POLK: variants seen among roughly 807,000 people sequenced by gnomAD.
The protein encoded by POLK is DNA polymerase kappa.
POLK carries 76 observed loss-of-function variants against 94.0 expected under a neutral mutation model. The ratio of observed to expected loss-of-function variants is 0.81; its 90% CI spans 0.67 to 0.98. The LOEUF (loss-of-function observed/expected upper bound fraction) is 0.98, where lower values mean the gene tolerates loss of function less well. Among genes scored for constraint, POLK ranks in the 50% least tolerant of loss-of-function variants. POLK has a pLI of 0.00. For synonymous variants in POLK, 349 were observed against 325.4 expected (o/e 1.07, Z -0.78); for missense variants, 954 against 1,010.1 (o/e 0.94, Z 0.75).
chr5:75,550,002 A>G (rs1770255012), intron 2 of POLK, among the ~76,000 whole-genome samples: 1 of 152,200 alleles, frequency 6.6e-6, no homozygotes, highest in African/African-American at 2.4e-5. Flanking sequence ...CTCCCCATCA[A>G]AGAAAAAAGA....
intron 3 of POLK, among the ~76,000 whole-genome samples, chr5:75,554,944 T>G (rs1421791198): frequency 6.6e-6 from 1 of 152,200 alleles, no homozygotes; most frequent in Non-Finnish European, 1.5e-5. Context: ...TTTGCTGTTG[T>G]GAATAGTGCT....
intron 3 of POLK, among the ~76,000 whole-genome samples, chr5:75,567,499 T>G (rs1771341873): frequency 6.6e-6 from 1 of 152,244 alleles, no homozygotes; most frequent in Admixed American, 6.5e-5. Flanking sequence ...AAGTTAGCCT[T>G]CTTCAAGATT....
At chr5:75,604,955 C>G (rs1028011997), downstream of POLK, among the ~76,000 whole-genome samples, 3 of 152,110 alleles carry the variant, frequency 2.0e-5, no homozygotes, top group East Asian at 5.8e-4. Context: ...TTGAACTGTT[C>G]CCCTTACCAG....
At chr5:75,576,967 G>A in intron 6 of POLK, 34 bp downstream of exon 6, 3 of 1,338,820 alleles carry the variant, frequency 2.2e-6, no homozygotes, top group South Asian at 1.6e-5. Flanking sequence ...AAACCAAGAA[G>A]CAGTGAAAAA....
At chr5:75,578,410 G>A (rs1581066342) in intron 6 of POLK, among the ~76,000 whole-genome samples, 2 of 152,208 alleles carry the variant, frequency 1.3e-5, no homozygotes, top group Non-Finnish European at 2.9e-5. Flanking sequence ...GCCCGCCTCG[G>A]CCTTCCAAAG....
At chr5:75,510,837 G>A (rs183816374), upstream of POLK, among the ~76,000 whole-genome samples, 125 of 152,180 alleles carry the variant, frequency 8.2e-4, no homozygotes, top group Admixed American at 1.6e-3. Flanking sequence ...GACAGCTGCC[G>A]CCCTAAGTCC....
intron 6 of POLK, chr5:75,580,730 T>A (rs182485130): frequency 1.3e-5 from 2 of 156,174 alleles, no homozygotes; most frequent in African/African-American, 4.8e-5. Context: ...CTTCCATAAA[T>A]GAAGAAAAGT....
At chr5:75,552,563 G>C (rs1770386429) in exon 3 of POLK, 2 of 1,610,276 alleles carry the variant, frequency 1.2e-6, no homozygotes, top group South Asian at 2.2e-5. Flanking sequence ...CAAATCACCA[G>C]CCAACAGCTA....
In POLK at chr5:75,576,093, A is replaced by G. The variant is rs538082778; in HGVS notation, c.541-687A>G. On this transcript the variant is annotated intron_variant, in intron 5 of 14. Coordinates refer to ENST00000241436, the Ensembl canonical transcript of POLK. ...GCATTTCTGAATTAAAAGCCACTAT[A>G]ATTCTAATCTTTATATGTATTTCTT... is the stretch of plus-strand genomic sequence containing the variant. Among the ~76,000 whole-genome samples, 3 of 152,152 alleles carry G rather than the reference A, an allele frequency of 2.0e-5. No individual in the cohort carries two copies. The East Asian group carries it at 5.8e-4, about 29-fold the overall frequency.
At chr5:75,600,268 AACT>A (rs1773267990) in exon 15 of POLK, 1 of 152,220 alleles carries the variant, frequency 6.6e-6, no homozygotes, top group African/African-American at 2.4e-5. Flanking sequence ...TAAAAAATAA[AACT>A]ACAAGGAGGT....
chr5:75,583,475 G>A (rs1772308799), intron 8 of POLK, 58 bp downstream of exon 8: 7 of 1,035,834 alleles, frequency 6.8e-6, no homozygotes, highest in Non-Finnish European at 9.8e-6. Context: ...AAGAGATACT[G>A]TGTAGGCCAA....
At chr5:75,511,151 C>T (rs974022558), upstream of POLK, 2 of 1,609,920 alleles carry the variant, frequency 1.2e-6, no homozygotes, top group Non-Finnish European at 8.5e-7. Context: ...GCGGCCCAGA[C>T]TCCGTCTCTG....
At chr5:75,596,651 G>A in exon 13 of POLK, 1 of 1,614,116 alleles carries the variant, frequency 6.2e-7, no homozygotes, top group Non-Finnish European at 8.5e-7. Context: ...CCTTCAATCA[G>A]TGAAAACTTT....
Position 75,596,210 on chromosome 5 carries a change from G to T in POLK, c.1529-12G>T, listed in dbSNP as rs762371241. 10 of 1,412,690 alleles carry T rather than the reference G, an allele frequency of 7.1e-6. No homozygotes were observed. The South Asian group carries it at 1.2e-4, about 17-fold the overall frequency. 87.5% of individuals were successfully genotyped at this position (1,412,690 alleles called of 1,614,324 possible). A position where few individuals can be genotyped will look rare whatever the true frequency, so the allele number is the denominator to read the frequency against. On this transcript the variant is annotated splice_polypyrimidine_tract_variant and intron_variant, in intron 12 of 14. Transcript: ENST00000241436. ...GTTCAATTTGAAATTGATTGTGATT[G>T]GTTTAATTTAGGTGTTCGGATATCT...
At chr5:75,591,275 A>G (rs941772201) in intron 11 of POLK, among the ~76,000 whole-genome samples, 3 of 152,186 alleles carry the variant, frequency 2.0e-5, no homozygotes, top group Non-Finnish European at 2.9e-5. Flanking sequence ...ATAATTTACT[A>G]TGTTCATATA....
the POLK span, among the ~76,000 whole-genome samples, chr5:75,607,493 A>G: frequency 6.7e-6 from 1 of 149,920 alleles, no homozygotes; most frequent in Non-Finnish European, 1.5e-5. Context: ...AAAAGGAAGT[A>G]CTGTGTGTGG....
intron 4 of POLK, 134 bp downstream of exon 4, chr5:75,569,626 C>T: frequency 1.4e-6 from 1 of 695,976 alleles, no homozygotes; most frequent in Non-Finnish European, 2.3e-6. Flanking sequence ...ATATATGACT[C>T]AATTACTGAA....
exon 7 of POLK, chr5:75,581,268 C>A: frequency 6.2e-7 from 1 of 1,609,034 alleles, no homozygotes; most frequent in Non-Finnish European, 8.5e-7. Context: ...CTCTCCACTA[C>A]TTTTTGAAGA....
At chr5:75,518,018 G>A (rs1768400157) in intron 1 of POLK, among the ~76,000 whole-genome samples, 1 of 151,984 alleles carries the variant, frequency 6.6e-6, no homozygotes, top group South Asian at 2.1e-4. Context: ...TCTTATTAAT[G>A]TGATTTGCTA....
Sources: allele counts gnomAD v4.1 joint callset (sites outside exome capture counted in the v4.1 genomes callset), GRCh38; gene constraint gnomAD v4.1.1; transcripts MANE v1.5; gene names NCBI Gene and HGNC (gene_info 2026-07-23, HGNC 2026-07-21).